Variants in NXNL2 observed in about 807,000 individuals in gnomAD.
The protein encoded by NXNL2 is nucleoredoxin-like protein 2.
NXNL2 carries 7 observed loss-of-function variants against 11.1 expected under a neutral mutation model. That is an observed-to-expected ratio of 0.63 (90% CI 0.36 to 1.18). The LOEUF (loss-of-function observed/expected upper bound fraction) is 1.18. Among genes scored for constraint, NXNL2 ranks in the 50% most tolerant of loss-of-function variants. The pLI is 0.02. For synonymous variants in NXNL2, 109 were observed against 101.8 expected, an observed-to-expected ratio of 1.07 and a Z score of -0.42; for missense variants, 233 against 217.7, an observed-to-expected ratio of 1.07 and a Z score of -0.44.
chr9:88,563,585 CCACTCA>C (rs1281520489), intron 1 of NXNL2, among the ~76,000 whole-genome samples: 1 of 152,206 alleles, frequency 6.6e-6, no homozygotes, highest in East Asian at 1.9e-4. Context: ...GCCCATACAG[CCACTCA>C]AATGAGCCTT....
At chr9:88,576,350 C>G (rs1039381468), downstream of NXNL2, among the ~76,000 whole-genome samples, 29 of 152,238 alleles carry the variant, frequency 1.9e-4, no homozygotes, top group African/African-American at 5.8e-4. Context: ...CAACAGGTGG[C>G]TGCTTCTTTC....
intron 1 of NXNL2, among the ~76,000 whole-genome samples, chr9:88,560,100 C>A (rs150448420): frequency 7.2e-4 from 110 of 152,168 alleles, no homozygotes; most frequent in African/African-American, 2.5e-3. Flanking sequence ...TCATCAGGAA[C>A]CTAATACACA....
At chr9:88,536,178 T>C (rs1389697564) in intron 1 of NXNL2, among the ~76,000 whole-genome samples, 1 of 152,018 alleles carries the variant, frequency 6.6e-6, no homozygotes, top group East Asian at 1.9e-4. Flanking sequence ...TGACCCGGTG[T>C]CTGGATGCGG....
At chr9:88,551,010 C>A (rs1006765970) in intron 1 of NXNL2, among the ~76,000 whole-genome samples, 1 of 152,106 alleles carries the variant, frequency 6.6e-6, no homozygotes, top group African/African-American at 2.4e-5. Flanking sequence ...TCAAGATGTT[C>A]CTTTATTTCC....
chr9:88,565,042 A>G (rs1275918014), intron 1 of NXNL2, among the ~76,000 whole-genome samples: 1 of 152,164 alleles, frequency 6.6e-6, no homozygotes, highest in Non-Finnish European at 1.5e-5. Flanking sequence ...AGCCTCTGGC[A>G]ACCACCATTC....
At chr9:88,565,686 G>A (rs185275428) in intron 1 of NXNL2, among the ~76,000 whole-genome samples, 2 of 152,052 alleles carry the variant, frequency 1.3e-5, no homozygotes, top group South Asian at 4.2e-4. Flanking sequence ...TACAGGTGCG[G>A]GACACCACAC....
chr9:88,580,265 T>C (rs1830395003), downstream of NXNL2, among the ~76,000 whole-genome samples: 2 of 151,800 alleles, frequency 1.3e-5, no homozygotes, highest in Admixed American at 6.6e-5. Context: ...GTGATTCTTC[T>C]GCCTCAGCCT....
At chr9:88,564,880 A>G (rs930048315) in intron 1 of NXNL2, among the ~76,000 whole-genome samples, 4 of 152,222 alleles carry the variant, frequency 2.6e-5, no homozygotes, top group African/African-American at 9.6e-5. Context: ...AGAAGACTTC[A>G]CATAAGATCT....
At chr9:88,561,307 C>T (rs776475572) in intron 1 of NXNL2, among the ~76,000 whole-genome samples, 1 of 152,152 alleles carries the variant, frequency 6.6e-6, no homozygotes, top group African/African-American at 2.4e-5. Context: ...TTTAGGGACC[C>T]GGACTGGCTC....
intron 1 of NXNL2, among the ~76,000 whole-genome samples, chr9:88,563,410 C>T (rs1389760937): frequency 6.6e-6 from 1 of 152,248 alleles, no homozygotes; most frequent in Non-Finnish European, 1.5e-5. Flanking sequence ...GGAGTCATCT[C>T]CAGTGCCTGC....
chr9:88,552,785 C>T (rs1829958066), intron 1 of NXNL2, among the ~76,000 whole-genome samples: 1 of 152,130 alleles, frequency 6.6e-6, no homozygotes, highest in South Asian at 2.1e-4. Flanking sequence ...GCATTCTTAA[C>T]CTTTATAATA....
intron 1 of NXNL2, among the ~76,000 whole-genome samples, chr9:88,535,990 C>T (rs1262674077): frequency 6.6e-6 from 1 of 152,182 alleles, no homozygotes; most frequent in Non-Finnish European, 1.5e-5. Context: ...AGCATGGACG[C>T]GGGCGCGTTT....
downstream of NXNL2, among the ~76,000 whole-genome samples, chr9:88,547,987 G>T (rs1401917297): frequency 1.3e-5 from 2 of 151,406 alleles, no homozygotes; most frequent in Non-Finnish European, 2.9e-5. Flanking sequence ...CTGCACTCCA[G>T]CCTGGGCAAC....
chr9:88,572,169 C>A (rs1011724467), intron 2 of NXNL2, among the ~76,000 whole-genome samples: 5 of 152,276 alleles, frequency 3.3e-5, no homozygotes, highest in African/African-American at 7.2e-5. Flanking sequence ...AGCACTAGAA[C>A]CTTTAACACT....
At chr9:88,573,127 T>C (rs1830296992) in intron 2 of NXNL2, among the ~76,000 whole-genome samples, 1 of 151,178 alleles carries the variant, frequency 6.6e-6, no homozygotes, top group Admixed American at 6.6e-5. Flanking sequence ...CTATGATTGA[T>C]TGAAGGACAT....
At chr9:88,539,232 T>C (rs990277052) in intron 1 of NXNL2, among the ~76,000 whole-genome samples, 18 of 152,210 alleles carry the variant, frequency 1.2e-4, no homozygotes, top group African/African-American at 4.1e-4. Context: ...GTGTTGCTGC[T>C]CCTGGGACCC....
At position 88,538,894 on chromosome 9, in the gene NXNL2, G is replaced by A. The variant is rs183594822; in HGVS notation, c.302+3158G>A. Among the ~76,000 whole-genome samples, 316 of 150,064 alleles carry A rather than the reference G, an allele frequency of 2.1e-3. 1 individual carries two copies. Among genetic ancestry groups the A allele is most frequent in the Non-Finnish European group, 3.7e-3 (250 of 67,306 alleles). On this transcript the variant is annotated intron_variant, in intron 1 of 1. Coordinates refer to ENST00000375854, the MANE Select transcript of NXNL2 (RefSeq NM_001161625.2). The stretch of plus-strand genomic sequence containing the variant: ...TTCCCGTGGTGTAGATGAGGAATCC[G>A]AGGTGCAGGAGGTTAACTAGCCTGC...
chr9:88,548,529 CA>C (rs371956999), downstream of NXNL2, among the ~76,000 whole-genome samples: 23 of 141,840 alleles, frequency 1.6e-4, no homozygotes, highest in East Asian at 2.1e-4. Context: ...ACTAAAAATA[CA>C]AAAAAAAAAT....
intron 2 of NXNL2, among the ~76,000 whole-genome samples, chr9:88,571,386 A>G (rs1016920189): frequency 3.3e-5 from 5 of 152,178 alleles, no homozygotes; most frequent in Non-Finnish European, 5.9e-5. Context: ...TGATGCTTTC[A>G]AATGATCAGA....
Sources: allele counts gnomAD v4.1 joint callset (sites outside exome capture counted in the v4.1 genomes callset), GRCh38; gene constraint gnomAD v4.1.1; transcripts MANE v1.5; gene names NCBI Gene and HGNC (gene_info 2026-07-23, HGNC 2026-07-21).